SLC71A2: variants seen among roughly 807,000 people sequenced by gnomAD.
The protein encoded by SLC71A2 is solute carrier family 71 member 2, also known as hippocampus abundant transcript-like 1.
the SLC71A2 span, among the ~76,000 whole-genome samples, chr9:94,401,279 C>G: frequency 1.3e-5 from 2 of 152,110 alleles, no homozygotes; most frequent in Non-Finnish European, 1.5e-5. Context: ...CAAGCATTTT[C>G]TCCTGCCTCA....
chr9:94,404,980 G>C, the SLC71A2 span, among the ~76,000 whole-genome samples: 3 of 152,082 alleles, frequency 2.0e-5, no homozygotes, highest in Non-Finnish European at 4.4e-5. Context: ...TTGCTTTTAT[G>C]TTTAGATTTT....
the SLC71A2 span, among the ~76,000 whole-genome samples, chr9:94,418,619 A>G: frequency 6.6e-6 from 1 of 152,006 alleles, no homozygotes; most frequent in Non-Finnish European, 1.5e-5. Context: ...TATTTTTAGT[A>G]GAGACAGGGT....
the SLC71A2 span, chr9:94,456,383 C>G: frequency 6.8e-7 from 1 of 1,475,336 alleles, no homozygotes. Context: ...AACGGGAGAC[C>G]TCCCTGCTAG....
chr9:94,449,366 CT>C, the SLC71A2 span, among the ~76,000 whole-genome samples: 1 of 152,126 alleles, frequency 6.6e-6, no homozygotes, highest in African/African-American at 2.4e-5. Context: ...ATGTAGAACT[CT>C]TATAATAAAA....
chr9:94,428,599 C>CG, the SLC71A2 span, among the ~76,000 whole-genome samples: 1 of 141,836 alleles, frequency 7.1e-6, no homozygotes, highest in Non-Finnish European at 1.5e-5. Context: ...TACCCCCCCC[C>CG]CTTTTTTTTT....
At chr9:94,409,552 C>T in the SLC71A2 span, among the ~76,000 whole-genome samples, 2 of 152,138 alleles carry the variant, frequency 1.3e-5, no homozygotes, top group Non-Finnish European at 2.9e-5. Flanking sequence ...CTTCTAGTTT[C>T]TTACAGTGGA....
At chr9:94,379,832 G>A in the SLC71A2 span, among the ~76,000 whole-genome samples, 2 of 152,168 alleles carry the variant, frequency 1.3e-5, no homozygotes, top group African/African-American at 4.8e-5. Flanking sequence ...GAATATCCAG[G>A]AAAGTATTCA....
At chr9:94,450,969 G>A in the SLC71A2 span, among the ~76,000 whole-genome samples, 433 of 152,272 alleles carry the variant, frequency 2.8e-3, 4 homozygotes, top group African/African-American at 0.01. Context: ...CAGAGAGCCT[G>A]ATTTAACTGG....
At chr9:94,460,896 A>G in the SLC71A2 span, 2 of 152,058 alleles carry the variant, frequency 1.3e-5, no homozygotes. Flanking sequence ...CCTAATGCAT[A>G]ATAAATTTAC....
chr9:94,450,164 A>G, the SLC71A2 span, among the ~76,000 whole-genome samples: 1 of 152,194 alleles, frequency 6.6e-6, no homozygotes, highest in Non-Finnish European at 1.5e-5. Context: ...TACTAAAACC[A>G]TTGACCTACA....
the SLC71A2 span, among the ~76,000 whole-genome samples, chr9:94,428,536 A>AAAT: frequency 6.6e-6 from 1 of 151,254 alleles, no homozygotes; most frequent in African/African-American, 2.4e-5. Flanking sequence ...GTTCACAGCA[A>AAAT]AATTGAGAGG....
chr9:94,458,364 A>G, the SLC71A2 span: 289 of 1,613,710 alleles, frequency 1.8e-4, 1 homozygote, highest in African/African-American at 3.6e-3. Context: ...GGACTATGCA[A>G]TGGCCTGGGG....
the SLC71A2 span, among the ~76,000 whole-genome samples, chr9:94,431,750 C>T: frequency 2.0e-5 from 3 of 149,926 alleles, no homozygotes; most frequent in East Asian, 3.9e-4. Flanking sequence ...TTAATTTGGA[C>T]CACCCCCACC....
the SLC71A2 span, among the ~76,000 whole-genome samples, chr9:94,431,167 G>T: frequency 6.6e-6 from 1 of 152,122 alleles, no homozygotes; most frequent in South Asian, 2.1e-4. Context: ...CAAAAAATTA[G>T]CTGGTCGTGG....
At chr9:94,441,549 T>C in the SLC71A2 span, among the ~76,000 whole-genome samples, 12 of 152,326 alleles carry the variant, frequency 7.9e-5, no homozygotes, top group Admixed American at 6.5e-4. Flanking sequence ...GGGATTACAA[T>C]TGAACATTTG....
chr9:94,425,428 G>A, the SLC71A2 span, among the ~76,000 whole-genome samples: 2 of 152,144 alleles, frequency 1.3e-5, no homozygotes, highest in South Asian at 4.1e-4. Context: ...AATATATGGA[G>A]ACATAAAAAA....
chr9:94,394,007 A>G, the SLC71A2 span, among the ~76,000 whole-genome samples: 2 of 141,416 alleles, frequency 1.4e-5, no homozygotes, highest in Admixed American at 1.4e-4. Flanking sequence ...TCACTCTTAT[A>G]GAATGTTGGA....
At chr9:94,415,165 G>T in the SLC71A2 span, 2 of 1,612,844 alleles carry the variant, frequency 1.2e-6, no homozygotes, top group Admixed American at 3.3e-5. Context: ...TAGCTACAAG[G>T]CTTTGGCCGA....
the SLC71A2 span, among the ~76,000 whole-genome samples, chr9:94,425,656 G>A: frequency 6.6e-6 from 1 of 152,012 alleles, no homozygotes; most frequent in Non-Finnish European, 1.5e-5. Flanking sequence ...GGAGCAGTTT[G>A]GGGAGGGTCA....
Sources: allele counts gnomAD v4.1 joint callset (sites outside exome capture counted in the v4.1 genomes callset), GRCh38; gene constraint gnomAD v4.1.1; transcripts MANE v1.5; gene names NCBI Gene and HGNC (gene_info 2026-07-23, HGNC 2026-07-21).